Variants in GALNTL6 observed in about 807,000 individuals in gnomAD.
The protein encoded by GALNTL6 is polypeptide N-acetylgalactosaminyltransferase like 6, also known as polypeptide N-acetylgalactosaminyltransferase-like 6.
A neutral mutation model predicts 73.7 loss-of-function variants in GALNTL6; 46 were observed. The ratio of observed to expected loss-of-function variants is 0.62; its 90% CI spans 0.49 to 0.80. GALNTL6 has a LOEUF of 0.80. Among genes scored for constraint, GALNTL6 ranks in the 30% least tolerant of loss-of-function variants. The pLI, the probability that GALNTL6 is intolerant of heterozygous loss-of-function variation, is 0.00. For missense variants in GALNTL6, 604 were observed against 755.0 expected (o/e 0.80, Z 2.34); for synonymous variants, 259 against 263.7 (o/e 0.98, Z 0.17).
intron 8 of GALNTL6, among the ~76,000 whole-genome samples, chr4:172,893,880 T>G (rs938515378): frequency 6.6e-6 from 1 of 152,198 alleles, no homozygotes; most frequent in Non-Finnish European, 1.5e-5. Context: ...TAGGATCTCA[T>G]GTATCTAGGA....
At chr4:172,561,434 A>G (rs1006773788) in intron 5 of GALNTL6, among the ~76,000 whole-genome samples, 5 of 152,146 alleles carry the variant, frequency 3.3e-5, no homozygotes, top group Non-Finnish European at 5.9e-5. Context: ...TTAAGAAGGT[A>G]GAAACACCAG....
At chr4:172,884,249 A>G (rs1745601961) in intron 8 of GALNTL6, among the ~76,000 whole-genome samples, 1 of 152,112 alleles carries the variant, frequency 6.6e-6, no homozygotes. Context: ...GTGTAGGAGC[A>G]TTCCCCTTTC....
At chr4:172,833,782 ACTT>A (rs1742763698) in intron 7 of GALNTL6, among the ~76,000 whole-genome samples, 1 of 152,164 alleles carries the variant, frequency 6.6e-6, no homozygotes, top group Non-Finnish European at 1.5e-5. Context: ...GATGGCAAAA[ACTT>A]CTTTCCACAG....
At position 172,198,500 on chromosome 4, in the gene GALNTL6, TG is replaced by T. The variant is rs778865842; in HGVS notation, c.139-31155del. Among the ~76,000 whole-genome samples, 6 of 151,200 alleles carry T rather than the reference TG, an allele frequency of 4.0e-5. No individual in the cohort carries two copies. In the East Asian group the frequency reaches 9.7e-4, roughly 25 times the overall value. On this transcript the variant is annotated intron_variant, in intron 2 of 12. Coordinates refer to ENST00000506823, the MANE Select transcript of GALNTL6 (RefSeq NM_001034845.3). ...AAGACATTTATGTGGCCAACAAACA[TG>T]AAAAAAAGCTCAAGATCCCTGATGA...
At chr4:172,022,319 T>TATG (rs1236061298) in intron 2 of GALNTL6, among the ~76,000 whole-genome samples, 3 of 152,062 alleles carry the variant, frequency 2.0e-5, no homozygotes, top group Admixed American at 6.6e-5. Context: ...AATCTTAGTT[T>TATG]ATGAACTAGA....
intron 5 of GALNTL6, among the ~76,000 whole-genome samples, chr4:172,404,525 A>G (rs1264991905): frequency 6.6e-6 from 1 of 152,086 alleles, no homozygotes; most frequent in African/African-American, 2.4e-5. Flanking sequence ...TCTGATTTCT[A>G]TCATAAGAGC....
At chr4:172,837,866 A>G (rs903238562) in intron 7 of GALNTL6, among the ~76,000 whole-genome samples, 2 of 152,198 alleles carry the variant, frequency 1.3e-5, no homozygotes, top group African/African-American at 4.8e-5. Context: ...ATAATAATAA[A>G]AAGCAATGAG....
At chr4:172,450,249 CT>C (rs1732163902) in intron 5 of GALNTL6, among the ~76,000 whole-genome samples, 1 of 151,708 alleles carries the variant, frequency 6.6e-6, no homozygotes, top group Non-Finnish European at 1.5e-5. Flanking sequence ...CTTCCTCCCC[CT>C]AAACTGACTT....
intron 5 of GALNTL6, among the ~76,000 whole-genome samples, chr4:172,658,908 T>C (rs1274610116): frequency 2.0e-5 from 3 of 152,196 alleles, no homozygotes; most frequent in Admixed American, 1.3e-4. Context: ...TACTTCAGTT[T>C]CTTCACCTTA....
chr4:172,957,683 A>AC (rs1184929809), intron 10 of GALNTL6, among the ~76,000 whole-genome samples: 4 of 151,692 alleles, frequency 2.6e-5, no homozygotes, highest in Non-Finnish European at 5.9e-5. Context: ...TAGTGAGAAA[A>AC]CCTCTTGCAT....
Position 172,882,833 on chromosome 4 carries a change from TG to T in GALNTL6, c.969del (p.Trp323CysfsTer12). 1 of 1,613,194 alleles carries T rather than the reference TG, an allele frequency of 6.2e-7. No individual in the cohort carries two copies. Among genetic ancestry groups the T allele is most frequent in the South Asian group, 1.1e-5 (1 of 91,080 alleles). ...AGGLFAVDRKWFWELGGYDPG... is the reference protein window; with the variant it reads ...AGGLFAVDRKXFWELGGYDPG... ...AGGTCTCTTTGCTGTGGATCGGAAA[TG>T]GTTTTGGGAATTGGGTGGCTATGAT... On this transcript the variant is annotated frameshift_variant, in exon 8 of 13. Transcript: ENST00000506823. LOFTEE classifies it high-confidence loss of function.
chr4:172,000,897 G>T (rs1740654196), intron 2 of GALNTL6, among the ~76,000 whole-genome samples: 1 of 152,086 alleles, frequency 6.6e-6, no homozygotes, highest in African/African-American at 2.4e-5. Context: ...CATGAAAGTA[G>T]CACACATCAC....
At chr4:172,044,407 T>C (rs1025989634) in intron 2 of GALNTL6, among the ~76,000 whole-genome samples, 1 of 151,876 alleles carries the variant, frequency 6.6e-6, no homozygotes, top group Non-Finnish European at 1.5e-5. Context: ...ATTTTTGGTG[T>C]TATATTTCCA....
intron 5 of GALNTL6, among the ~76,000 whole-genome samples, chr4:172,454,556 C>T (rs1458384656): frequency 1.3e-5 from 2 of 152,220 alleles, no homozygotes; most frequent in Admixed American, 1.3e-4. Flanking sequence ...ATCTCCTGTA[C>T]TTGCAGCCCA....
rs538654370 is a variant in GALNTL6 at position 172,677,892 on chromosome 4, G to A, written c.554-131469G>A. Among the ~76,000 whole-genome samples the A allele has an allele frequency of 1.2e-4, 18 of 152,162 alleles. No individual in the cohort carries two copies. The South Asian group carries it at 3.7e-3, about 32-fold the overall frequency. On this transcript the variant is annotated intron_variant, in intron 5 of 12. Transcript: ENST00000506823. Reference sequence around the variant, plus strand: ...GAAGGCAAAAAAAAAAAATTCCGAAGCAGAGAATGAAAATTCTCACTGATG... The same window carrying A: ...GAAGGCAAAAAAAAAAAATTCCGAAACAGAGAATGAAAATTCTCACTGATG...
chr4:172,971,830 A>G (rs1045739116), intron 10 of GALNTL6, among the ~76,000 whole-genome samples: 4 of 152,192 alleles, frequency 2.6e-5, no homozygotes, highest in Admixed American at 1.3e-4. Flanking sequence ...AGATAACAGT[A>G]AATTATGTAA....
intron 5 of GALNTL6, among the ~76,000 whole-genome samples, chr4:172,418,403 AT>A (rs1481618120): frequency 6.6e-6 from 1 of 152,118 alleles, no homozygotes; most frequent in Non-Finnish European, 1.5e-5. Context: ...CCTTAAATGT[AT>A]TGGGATCACA....
intron 3 of GALNTL6, among the ~76,000 whole-genome samples, chr4:172,257,189 G>T (rs576239554): frequency 4.0e-5 from 6 of 151,440 alleles, no homozygotes; most frequent in African/African-American, 1.4e-4. Context: ...TCTTTATTTT[G>T]AAAAATGGCT....
At chr4:172,178,472 A>G (rs927228301) in intron 2 of GALNTL6, among the ~76,000 whole-genome samples, 1 of 151,930 alleles carries the variant, frequency 6.6e-6, no homozygotes, top group Non-Finnish European at 1.5e-5. Context: ...CCCTGTGTGC[A>G]TGTGTTCTCA....
Sources: gnomAD v4.1 joint callset for allele counts (sites outside exome capture counted in the v4.1 genomes callset) on GRCh38, gnomAD v4.1.1 for gene constraint, MANE v1.5 for transcripts, NCBI Gene and HGNC (gene_info 2026-07-23, HGNC 2026-07-21) for gene names.